Variants in PARD3B observed in about 807,000 individuals in gnomAD.
PARD3B encodes partitioning defective 3 homolog B.
Under a neutral mutation model 130.2 loss-of-function variants are expected in PARD3B, and 103 were observed. The observed-to-expected ratio is 0.79, with a 90% CI of 0.67 to 0.93. The LOEUF (loss-of-function observed/expected upper bound fraction) is 0.93. Among genes scored for constraint, PARD3B ranks in the 40% least tolerant of loss-of-function variants. The pLI, the probability that PARD3B is intolerant of heterozygous loss-of-function variation, is 0.00. For missense variants in PARD3B, 1,609 were observed against 1,499.2 expected, an observed-to-expected ratio of 1.07 and a Z score of -1.21; for synonymous variants, 583 against 553.2, an observed-to-expected ratio of 1.05 and a Z score of -0.76.
chr2:205,417,161 T>C lies in PARD3B; in HGVS notation c.2741+16038T>C, dbSNP rs192411440. Reference sequence around the variant, plus strand: ...GTTCTTACTGTTCAATTCCCACCTATAAGTGAGAACATGTAGTGTTTGGTT... The same window carrying C: ...GTTCTTACTGTTCAATTCCCACCTACAAGTGAGAACATGTAGTGTTTGGTT... On this transcript the variant is annotated intron_variant, in intron 19 of 22. Transcript: ENST00000406610. Among the ~76,000 whole-genome samples the C allele has an allele frequency of 2.0e-3, 293 of 145,724 alleles. 1 individual carries two copies. The highest frequency in any genetic ancestry group is 7.2e-3 in the Middle Eastern group (2 of 278).
At chr2:204,996,887 T>TC (rs1476473324) in intron 3 of PARD3B, among the ~76,000 whole-genome samples, 10 of 150,148 alleles carry the variant, frequency 6.7e-5, no homozygotes, top group African/African-American at 2.5e-4. Context: ...AAAAGGGAAC[T>TC]CCCTGACCCC....
intron 4 of PARD3B, among the ~76,000 whole-genome samples, chr2:205,096,954 A>G (rs1438322447): frequency 1.3e-5 from 2 of 152,202 alleles, no homozygotes; most frequent in Non-Finnish European, 2.9e-5. Context: ...CCTGAAATCA[A>G]CAACCAAGAG....
chr2:204,770,426 T>C (rs968454942), intron 2 of PARD3B, among the ~76,000 whole-genome samples: 12 of 148,918 alleles, frequency 8.1e-5, no homozygotes, highest in Non-Finnish European at 1.8e-4. Context: ...CTTCCAACTA[T>C]GTGGTCAATT....
chr2:205,449,405 A>AT lies in PARD3B; in HGVS notation c.3044+8738dup, dbSNP rs1376062064. 1.7e-3 allele frequency among the ~76,000 whole-genome samples: 255 copies of AT among 151,458 alleles called. 2 individuals are homozygous for AT. The highest frequency in any genetic ancestry group is 5.6e-3 in the African/African-American group (232 of 41,336). On this transcript the variant is annotated intron_variant, in intron 20 of 22. Coordinates refer to ENST00000406610, the MANE Select transcript of PARD3B (RefSeq NM_001302769.2). ...CCACCACGCCCAGCTAATTTTTTGT[A>AT]TTTTTAGTAGAGGCAGGGTTTCATC...
chr2:205,327,214 T>G (rs2042966192), intron 18 of PARD3B, among the ~76,000 whole-genome samples: 1 of 152,220 alleles, frequency 6.6e-6, no homozygotes, highest in South Asian at 2.1e-4. Flanking sequence ...CCTGAAACTT[T>G]GACTATTCAG....
In PARD3B at chr2:205,158,670, A is replaced by C; in HGVS notation, c.1435-52A>C. The C allele has an allele frequency of 6.6e-7, 1 of 1,505,978 alleles. No individual in the cohort carries two copies. The highest frequency in any genetic ancestry group is 9.1e-7 in the Non-Finnish European group (1 of 1,099,414). The allele number at this position is 1,505,978 out of a possible 1,614,324, so 93.3% of individuals were successfully genotyped here. A position where few individuals can be genotyped will look rare whatever the true frequency, so the allele number is the denominator to read the frequency against. On this transcript the variant is annotated intron_variant, in intron 10 of 22. Coordinates refer to ENST00000406610, the MANE Select transcript of PARD3B (RefSeq NM_001302769.2). This position sits in a 1 kb window ranked among gnomAD's most constrained non-coding sequence, Gnocchi z 5.4. Reference sequence around the variant, plus strand: ...GTGTCTGGTCATCTGAGAGAGTGAAATATTAATCTGCTTTCTTCTCTTCAC... The same window carrying C: ...GTGTCTGGTCATCTGAGAGAGTGAACTATTAATCTGCTTTCTTCTCTTCAC...
At chr2:204,638,041 A>G (rs2034948185) in intron 1 of PARD3B, among the ~76,000 whole-genome samples, 2 of 152,166 alleles carry the variant, frequency 1.3e-5, no homozygotes, top group Non-Finnish European at 2.9e-5. Context: ...CCAGTGTCCA[A>G]TGTTAAGGAA....
chr2:204,808,369 A>C (rs2042849093), intron 2 of PARD3B, among the ~76,000 whole-genome samples: 1 of 152,154 alleles, frequency 6.6e-6, no homozygotes, highest in Non-Finnish European at 1.5e-5. Flanking sequence ...TCAGGAGTAC[A>C]CATACAGGTT....
intron 3 of PARD3B, among the ~76,000 whole-genome samples, chr2:204,965,799 G>C (rs1352820459): frequency 6.6e-6 from 1 of 152,132 alleles, no homozygotes; most frequent in African/African-American, 2.4e-5. Flanking sequence ...ATTCAGACAA[G>C]ACAATTCATC....
intron 2 of PARD3B, among the ~76,000 whole-genome samples, chr2:204,939,323 G>A (rs1464627912): frequency 6.6e-6 from 1 of 152,128 alleles, no homozygotes; most frequent in Admixed American, 6.5e-5. Context: ...TTAAGTGCCA[G>A]AATTTTTTGT....
intron 2 of PARD3B, among the ~76,000 whole-genome samples, chr2:204,820,861 G>A (rs191269973): frequency 8.7e-4 from 132 of 151,866 alleles, no homozygotes; most frequent in African/African-American, 2.9e-3. Context: ...CTCATTTACC[G>A]TTTCTAAAAT....
At chr2:205,199,543 C>T (rs2036877118) in intron 15 of PARD3B, among the ~76,000 whole-genome samples, 1 of 151,874 alleles carries the variant, frequency 6.6e-6, no homozygotes. Context: ...ATAATATATG[C>T]AGGAAGAGGT....
chr2:204,861,049 C>G (rs1477147012), intron 2 of PARD3B, among the ~76,000 whole-genome samples: 1 of 152,096 alleles, frequency 6.6e-6, no homozygotes, highest in Non-Finnish European at 1.5e-5. Flanking sequence ...AATTTGTTTT[C>G]TGGAATCTCT....
intron 3 of PARD3B, among the ~76,000 whole-genome samples, chr2:205,026,590 T>C (rs1438018907): frequency 6.6e-6 from 1 of 152,110 alleles, no homozygotes; most frequent in Non-Finnish European, 1.5e-5. Context: ...CAACACAGTA[T>C]TATTAACTAT....
At chr2:204,910,804 G>A (rs969675525) in intron 2 of PARD3B, among the ~76,000 whole-genome samples, 6 of 152,038 alleles carry the variant, frequency 3.9e-5, no homozygotes, top group African/African-American at 1.4e-4. Context: ...ACTACGCCTG[G>A]CTAATTTTTT....
Position 205,280,264 on chromosome 2 carries a change from G to A in PARD3B, c.2186-20266G>A, listed in dbSNP as rs1260059585. Among the ~76,000 whole-genome samples, 1 of 152,116 alleles carries A rather than the reference G, an allele frequency of 6.6e-6. No individual in the cohort carries two copies. Among genetic ancestry groups the A allele is most frequent in the East Asian group, 1.9e-4 (1 of 5,198 alleles). ...ACATTAACAGGTTATTAAACTGTTTGTCACCAAAGAAAAGTAGATGGTATT... is the reference window on the plus strand; with the variant it reads ...ACATTAACAGGTTATTAAACTGTTTATCACCAAAGAAAAGTAGATGGTATT... On this transcript the variant is annotated intron_variant, in intron 16 of 22. Coordinates refer to ENST00000406610, the MANE Select transcript of PARD3B (RefSeq NM_001302769.2). The surrounding 1 kb of genome is among the most constrained non-coding windows in gnomAD (Gnocchi z 4.7).
At chr2:204,565,936 G>T (rs1212812462) in intron 1 of PARD3B, among the ~76,000 whole-genome samples, 1 of 152,188 alleles carries the variant, frequency 6.6e-6, no homozygotes, top group East Asian at 1.9e-4. Flanking sequence ...AAAAACATGT[G>T]AAATCAAAGG....
intron 4 of PARD3B, among the ~76,000 whole-genome samples, chr2:205,095,835 G>A (rs1488715234): frequency 3.3e-5 from 5 of 152,000 alleles, no homozygotes; most frequent in African/African-American, 9.7e-5. Flanking sequence ...AATTTCACTG[G>A]TCTTTTAAAA....
At chr2:205,211,054 C>T (rs2037605802) in intron 15 of PARD3B, among the ~76,000 whole-genome samples, 1 of 152,066 alleles carries the variant, frequency 6.6e-6, no homozygotes, top group South Asian at 2.1e-4. Context: ...TTTAACTAAA[C>T]ATGAGGCAGA....
Sources: allele counts gnomAD v4.1 joint callset (sites outside exome capture counted in the v4.1 genomes callset), GRCh38; gene constraint gnomAD v4.1.1; non-coding constraint Gnocchi (gnomAD v3.1); transcripts MANE v1.5; gene names NCBI Gene and HGNC (gene_info 2026-07-23, HGNC 2026-07-21).